The following ZNF91 variants were observed in gnomAD, a reference collection of about 807,000 sequenced individuals.
The protein encoded by ZNF91 is zinc finger protein 91 (HPF7, HTF10).
In ZNF91, 7 loss-of-function variants were observed where a neutral mutation model predicts 12.6. That is an observed-to-expected ratio of 0.55 (90% CI 0.31 to 1.04). The LOEUF (loss-of-function observed/expected upper bound fraction) is 1.04, where lower values mean the gene tolerates loss of function less well. ZNF91 is among the 50% of genes least tolerant of loss of function. The probability of loss-of-function intolerance (pLI) is 0.05; values close to 1 mark genes in which losing one functional copy is unlikely to be tolerated. For missense variants in ZNF91, 1,217 were observed against 1,385.4 expected, an observed-to-expected ratio of 0.88 and a Z score of 1.93; for synonymous variants, 453 against 462.6, an observed-to-expected ratio of 0.98 and a Z score of 0.27.
At chr19:23,374,789 T>C (rs1378066700) in intron 1 of ZNF91, 25 bp from the exon 2 acceptor site, 1 of 1,602,956 alleles carries the variant, frequency 6.2e-7, no homozygotes, top group Non-Finnish European at 8.5e-7. Flanking sequence ...CAAACACACA[T>C]ATTTACAAAG....
intron 3 of ZNF91, among the ~76,000 whole-genome samples, chr19:23,350,295 G>A (rs1968330755): frequency 6.6e-6 from 1 of 152,230 alleles, no homozygotes; most frequent in East Asian, 1.9e-4. Flanking sequence ...CTTTAAGGAG[G>A]GTGGTTCTCT....
At chr19:23,352,195 G>C (rs1968382504) in intron 3 of ZNF91, among the ~76,000 whole-genome samples, 1 of 152,176 alleles carries the variant, frequency 6.6e-6, no homozygotes. Flanking sequence ...CGGGGCTGTT[G>C]TGGGGGCAAA....
At chr19:23,311,511 A>G (rs887835263), upstream of ZNF91, among the ~76,000 whole-genome samples, 7 of 151,076 alleles carry the variant, frequency 4.6e-5, no homozygotes, top group Non-Finnish European at 7.4e-5. Flanking sequence ...GTAACATGAC[A>G]CTCCTCTTTT....
Position 23,360,325 on chromosome 19 carries a change from T to C in ZNF91, c.2654A>G (p.Glu885Gly). Residue 885 changes from glutamate to glycine, a missense_variant, in exon 4 of 4, where the codon GAA becomes GGA. Coordinates refer to ENST00000300619, the MANE Select transcript of ZNF91 (RefSeq NM_003430.4). The part of the protein sequence containing the change: ...IHTKEKPSKS[E>G]ECDKAFIWSS... The stretch of plus-strand genomic sequence containing the variant: ...CCAGATAAATGCTTTGTCACATTCT[T>C]CACTCTTGGAAGGTTTCTCTTTAGT... 1.2e-6 allele frequency: 2 copies of C among 1,614,020 alleles called. No individual in the cohort carries two copies.
intron 3 of ZNF91, among the ~76,000 whole-genome samples, chr19:23,368,428 T>A (rs1246930147): frequency 6.6e-6 from 1 of 151,272 alleles, no homozygotes; most frequent in Non-Finnish European, 1.5e-5. Flanking sequence ...GGCAGAAGAA[T>A]TGCTTGAACC....
rs1011628014 is a variant in ZNF91 at position 23,395,458 on chromosome 19, C to T, written c.-104G>A. On this transcript the variant is annotated 5_prime_UTR_variant, in exon 1 of 4. Coordinates refer to ENST00000300619, the MANE Select transcript of ZNF91 (RefSeq NM_003430.4). ...TGAAGTCGAGACCTGGAAACTCCGG[C>T]GGCAGCGAGAGACAAAGGCCCAGCC... is the stretch of plus-strand genomic sequence containing the variant. 4 of 1,422,262 alleles carry T rather than the reference C, an allele frequency of 2.8e-6. No individual in the cohort carries two copies. The South Asian group carries it at 4.9e-5, about 18-fold the overall frequency. The allele number at this position is 1,422,262 out of a possible 1,614,324, so 88.1% of individuals were successfully genotyped here.
chr19:23,374,889 C>T (rs1049723478), intron 1 of ZNF91, 125 bp from the exon 2 acceptor site: 2 of 1,445,582 alleles, frequency 1.4e-6, no homozygotes, highest in African/African-American at 2.9e-5. Flanking sequence ...CTGAAATTAT[C>T]CAATAAAATA....
At position 23,359,686 on chromosome 19, in the gene ZNF91, C is replaced by G; in HGVS notation, c.3293G>C (p.Arg1098Thr). The G allele has an allele frequency of 1.9e-6, 3 of 1,613,282 alleles. No homozygotes were observed. Among genetic ancestry groups the G allele is most frequent in the African/African-American group, 1.3e-5 (1 of 74,764 alleles). ...SQSSTLTRHK[R>T]LHTGEKPYKC... Reference sequence around the variant, plus strand: ...GTAGGGTTTCTCTCCGGTGTGCAACCTCTTATGTCTAGTTAGGGTTGAAGA... The same window carrying G: ...GTAGGGTTTCTCTCCGGTGTGCAACGTCTTATGTCTAGTTAGGGTTGAAGA... The change falls in exon 4 of 4, where the codon AGG (arginine) becomes ACG (threonine). Residue 1098 changes from arginine to threonine, a missense_variant. Physicochemically the swap from Arg to Thr is moderately conservative, Grantham distance 71. Coordinates refer to ENST00000300619, the MANE Select transcript of ZNF91 (RefSeq NM_003430.4).
chr19:23,345,768 T>C lies in ZNF91; in HGVS notation c.254-6714A>G, dbSNP rs563356855. ...TCAGCAGCAATATTCCCAGCCACCA[T>C]CTTCCCAGTCAGCAGTATCCACTTC... On this transcript the variant is annotated intron_variant, in intron 3 of 3. Transcript: ENST00000599743. Among the ~76,000 whole-genome samples the C allele has an allele frequency of 2.6e-5, 4 of 152,116 alleles. No individual in the cohort carries two copies. The East Asian group carries it at 7.8e-4, about 30-fold the overall frequency.
chr19:23,344,874 C>A (rs114127789), intron 3 of ZNF91, among the ~76,000 whole-genome samples: 1 of 152,192 alleles, frequency 6.6e-6, no homozygotes, highest in Non-Finnish European at 1.5e-5. Context: ...ACACATACCC[C>A]CTGAAGATCC....
intron 1 of ZNF91, among the ~76,000 whole-genome samples, chr19:23,390,566 C>T (rs1970031462): frequency 6.6e-6 from 1 of 152,138 alleles, no homozygotes; most frequent in South Asian, 2.1e-4. Context: ...CCATGTTGGC[C>T]AGGCTGGTCT....
intron 1 of ZNF91, among the ~76,000 whole-genome samples, chr19:23,376,298 T>C (rs745970986): frequency 3.3e-5 from 5 of 152,122 alleles, no homozygotes; most frequent in East Asian, 3.9e-4. Context: ...GAATTCTGCA[T>C]GGCATATAAG....
chr19:23,372,472 T>G (rs915169631), intron 3 of ZNF91, among the ~76,000 whole-genome samples: 2 of 152,198 alleles, frequency 1.3e-5, no homozygotes, highest in African/African-American at 4.8e-5. Context: ...ATGGGAGTTA[T>G]GAAACTCTGC....
downstream of ZNF91, among the ~76,000 whole-genome samples, chr19:23,337,149 T>C (rs1354240099): frequency 6.6e-6 from 1 of 152,096 alleles, no homozygotes; most frequent in Non-Finnish European, 1.5e-5. Context: ...CTTCTTACTC[T>C]TTCATGTCAG....
At chr19:23,347,904 T>G (rs562519208) in intron 3 of ZNF91, among the ~76,000 whole-genome samples, 1 of 152,292 alleles carries the variant, frequency 6.6e-6, no homozygotes, top group East Asian at 1.9e-4. Context: ...GTCCGTACTT[T>G]CTCTGGGTGA....
At chr19:23,311,749 G>C (rs1354485461), upstream of ZNF91, among the ~76,000 whole-genome samples, 6 of 152,096 alleles carry the variant, frequency 3.9e-5, no homozygotes, top group Admixed American at 3.9e-4. Context: ...TTCCTGCCTG[G>C]CCCCCACGTA....
chr19:23,384,885 G>C, intron 1 of ZNF91: 2 of 759,752 alleles, frequency 2.6e-6, no homozygotes, highest in South Asian at 2.7e-5. Context: ...AAGCTCTCAT[G>C]TTGCTCTTAT....
In ZNF91 at chr19:23,358,883, G is replaced by A. The variant is rs767931822; in HGVS notation, c.*520C>T. ...GGTTTGTAGAGTTTCTCTCCAGTAT[G>A]AATAATATTATGTCTGTTAAGAATT... On this transcript the variant is annotated 3_prime_UTR_variant, in exon 4 of 4. Transcript: ENST00000300619. The A allele has an allele frequency of 3.1e-5, 6 of 192,668 alleles. No homozygotes were observed. The highest frequency in any genetic ancestry group is 6.9e-5 in the Non-Finnish European group (6 of 87,276). The allele number at this position is 192,668 out of a possible 1,614,324, so 11.9% of individuals were successfully genotyped here. A position where few individuals can be genotyped will look rare whatever the true frequency, so the allele number is the denominator to read the frequency against.
chr19:23,360,039 A>C lies in ZNF91; in HGVS notation c.2940T>G (p.Thr980=). 4 of 1,596,040 alleles carry C rather than the reference A, an allele frequency of 2.5e-6. No homozygotes were observed. The highest frequency in any genetic ancestry group is 2.2e-5 in the South Asian group (2 of 90,470). The change falls in exon 4 of 4, where the codon ACT becomes ACG. Residue 980 remains threonine, a synonymous_variant. Transcript: ENST00000300619. ...ECGKAFRKSS[T]LTEHKIIHTG... ...TATGAATTATCTTATGTTCAGTAAG[A>C]GTTGAAGATTTCCTAAAAGCTTTGC...
Sources: allele counts gnomAD v4.1 joint callset (sites outside exome capture counted in the v4.1 genomes callset), GRCh38; gene constraint gnomAD v4.1.1; transcripts MANE v1.5; gene names NCBI Gene and HGNC (gene_info 2026-07-23, HGNC 2026-07-21).